PHACTR1: variants seen among roughly 807,000 people sequenced by gnomAD.
PHACTR1 encodes phosphatase and actin regulator 1, also known as RPEL repeat containing 1.
Under a neutral mutation model 69.2 loss-of-function variants are expected in PHACTR1, and 16 were observed. The observed-to-expected ratio is 0.23, with a 90% confidence interval of 0.16 to 0.35. The LOEUF (loss-of-function observed/expected upper bound fraction) is 0.35. Ranked by LOEUF, PHACTR1 falls within the 10% of genes least tolerant of loss-of-function variation. The pLI is 1.00. For synonymous variants in PHACTR1, 312 were observed against 284.5 expected (o/e 1.10, Z -0.97); for missense variants, 510 against 734.7 (o/e 0.69, Z 3.54).
chr6:12,831,592 A>C (rs1777591166), intron 4 of PHACTR1, among the ~76,000 whole-genome samples: 1 of 152,096 alleles, frequency 6.6e-6, no homozygotes, highest in Admixed American at 6.5e-5. Context: ...GCTTCTCTCG[A>C]AGTGTTTCTT....
At chr6:12,832,118 T>C (rs563467861) in intron 4 of PHACTR1, among the ~76,000 whole-genome samples, 9 of 152,178 alleles carry the variant, frequency 5.9e-5, no homozygotes, top group African/African-American at 2.2e-4. Context: ...ATAAAAATTA[T>C]GAAAAGTAGA....
intron 5 of PHACTR1, among the ~76,000 whole-genome samples, chr6:13,057,088 C>G (rs1004727764): frequency 1.3e-5 from 2 of 151,890 alleles, no homozygotes; most frequent in Non-Finnish European, 2.9e-5. Context: ...TTGATAATAG[C>G]GTAGACTATA....
chr6:12,761,974 T>A (rs1768074630), intron 4 of PHACTR1, among the ~76,000 whole-genome samples: 1 of 152,218 alleles, frequency 6.6e-6, no homozygotes, highest in South Asian at 2.1e-4. Flanking sequence ...CCACGCTGCC[T>A]TCCAGCAACA....
intron 4 of PHACTR1, among the ~76,000 whole-genome samples, chr6:12,790,397 C>T (rs1772121279): frequency 6.6e-6 from 1 of 152,196 alleles, no homozygotes; most frequent in Non-Finnish European, 1.5e-5. Flanking sequence ...CTGGAATGCT[C>T]TTTTCCAGGT....
At chr6:13,208,629 C>CCT (rs1554160317) in intron 8 of PHACTR1, among the ~76,000 whole-genome samples, 2 of 140,638 alleles carry the variant, frequency 1.4e-5, no homozygotes, top group African/African-American at 2.7e-5. Context: ...TCATTGCTGC[C>CCT]CACCCCCCCA....
At chr6:13,111,196 G>T (rs893756719) in intron 5 of PHACTR1, among the ~76,000 whole-genome samples, 5 of 152,142 alleles carry the variant, frequency 3.3e-5, no homozygotes, top group African/African-American at 9.7e-5. Context: ...TTACCATATT[G>T]CCGTCTAGAT....
rs577576146 is a variant in PHACTR1 at position 12,804,983 on chromosome 6, C to G, written c.250+55193C>G. Among the ~76,000 whole-genome samples, 5 of 152,274 alleles carry G rather than the reference C, an allele frequency of 3.3e-5. No individual in the cohort carries two copies. The South Asian group carries it at 1.0e-3, about 32-fold the overall frequency. On this transcript the variant is annotated intron_variant, in intron 4 of 14. Coordinates refer to ENST00000332995, the MANE Select transcript of PHACTR1 (RefSeq NM_030948.6). ...ACAAAATTATACAAAACAGCAATCACTGCTTCATATGCTATTCAGAATTTT... is the reference window on the plus strand; with the variant it reads ...ACAAAATTATACAAAACAGCAATCAGTGCTTCATATGCTATTCAGAATTTT...
intron 4 of PHACTR1, among the ~76,000 whole-genome samples, chr6:12,893,831 G>T (rs1327873904): frequency 2.0e-5 from 3 of 152,154 alleles, no homozygotes; most frequent in African/African-American, 7.2e-5. Flanking sequence ...TGTCACATGG[G>T]CTTCCATATT....
intron 5 of PHACTR1, among the ~76,000 whole-genome samples, chr6:13,124,831 A>G (rs1022391771): frequency 4.6e-5 from 7 of 152,198 alleles, no homozygotes; most frequent in East Asian, 1.9e-4. Flanking sequence ...GTCTCTTCTT[A>G]TAAGTATGTC....
chr6:12,933,322 T>C (rs1431150412), intron 4 of PHACTR1, among the ~76,000 whole-genome samples: 2 of 152,210 alleles, frequency 1.3e-5, no homozygotes, highest in African/African-American at 4.8e-5. Flanking sequence ...ATGCTTTAAA[T>C]GTCCTACAAA....
Position 13,154,460 on chromosome 6 carries a change from C to T in PHACTR1, c.416-5744C>T, listed in dbSNP as rs144845605. Among the ~76,000 whole-genome samples, 525 of 152,086 alleles carry T rather than the reference C, an allele frequency of 3.5e-3. 4 individuals are homozygous for T. The highest frequency in any genetic ancestry group is 0.012 in the African/African-American group (497 of 41,492). On this transcript the variant is annotated intron_variant, in intron 5 of 14. Transcript: ENST00000332995. ...AGCTTGAGCCATCGTGCCCAGCCTG[C>T]CGTGTATTTTAATAACTGTATAATA...
intron 5 of PHACTR1, among the ~76,000 whole-genome samples, chr6:13,091,924 A>G (rs1813344782): frequency 6.6e-6 from 1 of 152,090 alleles, no homozygotes; most frequent in African/African-American, 2.4e-5. Flanking sequence ...CAGCCTCCTG[A>G]GTAGCTGGGA....
intron 11 of PHACTR1, among the ~76,000 whole-genome samples, chr6:13,276,415 G>T (rs923930549): frequency 2.0e-5 from 3 of 152,214 alleles, no homozygotes; most frequent in Admixed American, 2.0e-4. Flanking sequence ...TGAGTGTAAA[G>T]GTGACACAGT....
intron 5 of PHACTR1, among the ~76,000 whole-genome samples, chr6:13,085,360 C>G (rs1468147602): frequency 1.3e-5 from 2 of 151,950 alleles, no homozygotes; most frequent in African/African-American, 4.8e-5. Context: ...TCAAATATCT[C>G]CTGTTTATAA....
chr6:12,864,405 G>T (rs1344957990), intron 4 of PHACTR1, among the ~76,000 whole-genome samples: 1 of 152,314 alleles, frequency 6.6e-6, no homozygotes, highest in African/African-American at 2.4e-5. Context: ...ATCAGGTCGG[G>T]CGCCCTGGCT....
rs1161977750 is a variant in PHACTR1, at chr6:12,880,160, G to A, written c.250+130370G>A. The stretch of plus-strand genomic sequence containing the variant: ...ATGAGGAAATGGAACTCCAGAGATC[G>A]CATGCCAATTCAGGGACAGATTTGG... On this transcript the variant is annotated intron_variant, in intron 4 of 14. Coordinates refer to ENST00000332995, the MANE Select transcript of PHACTR1 (RefSeq NM_030948.6). Among the ~76,000 whole-genome samples, 5 of 151,850 alleles carry A rather than the reference G, an allele frequency of 3.3e-5. No homozygotes were observed. The East Asian group carries it at 5.8e-4, about 18-fold the overall frequency.
chr6:12,978,495 C>T (rs1007021595), intron 4 of PHACTR1, among the ~76,000 whole-genome samples: 3 of 152,118 alleles, frequency 2.0e-5, no homozygotes, highest in African/African-American at 7.2e-5. Flanking sequence ...CTCTGGCTGC[C>T]GTATCTCTCT....
chr6:13,118,696 C>G (rs932817131), intron 5 of PHACTR1, among the ~76,000 whole-genome samples: 1 of 152,096 alleles, frequency 6.6e-6, no homozygotes, highest in Non-Finnish European at 1.5e-5. Flanking sequence ...CCAGGTTGAT[C>G]TCAAACTCCT....
Position 13,231,037 on chromosome 6 carries a change from GAGAGAGAA to G in PHACTR1, c.1391+847_1391+854del, listed in dbSNP as rs1770839116. Among the ~76,000 whole-genome samples, 5 of 119,954 alleles carry G rather than the reference GAGAGAGAA, an allele frequency of 4.2e-5. 1 individual carries two copies. The highest frequency in any genetic ancestry group is 1.3e-4 in the African/African-American group (4 of 30,074). The allele number at this position is 119,954 out of a possible 152,430, so 78.7% of individuals were successfully genotyped here. On this transcript the variant is annotated intron_variant, in intron 10 of 14. Coordinates refer to ENST00000332995, the MANE Select transcript of PHACTR1 (RefSeq NM_030948.6). ...AGAGAAGGAAAGAAAGAAAGAGAGA[GAGAGAGAA>G]AGGAAGGAAGGAAGGAAGGAAGGAA...
Sources: allele counts gnomAD v4.1 joint callset (sites outside exome capture counted in the v4.1 genomes callset), GRCh38; gene constraint gnomAD v4.1.1; transcripts MANE v1.5; gene names NCBI Gene and HGNC (gene_info 2026-07-23, HGNC 2026-07-21).